RBFOX1: variants seen among roughly 807,000 people sequenced by gnomAD.
RBFOX1 encodes the protein RNA binding fox-1 homolog 1.
In RBFOX1, 8 loss-of-function variants were observed where a neutral mutation model predicts 57.7. The ratio of observed to expected loss-of-function variants is 0.14; its 90% CI spans 0.08 to 0.25. The LOEUF (loss-of-function observed/expected upper bound fraction) is 0.25. Among genes scored for constraint, RBFOX1 ranks in the 10% least tolerant of loss-of-function variants. The pLI is 1.00. For missense variants in RBFOX1, 611 were observed against 548.5 expected, an observed-to-expected ratio of 1.11 and a Z score of -1.14; for synonymous variants, 326 against 222.4, an observed-to-expected ratio of 1.47 and a Z score of -4.15.
intron 3 of RBFOX1, among the ~76,000 whole-genome samples, chr16:5,698,514 A>G (rs1013881591): frequency 1.3e-5 from 2 of 152,154 alleles, no homozygotes; most frequent in Admixed American, 1.3e-4. Context: ...TTTTTTGTAC[A>G]GAGCTGCTTT....
At chr16:7,139,315 C>T (rs1232191652) in intron 4 of RBFOX1, among the ~76,000 whole-genome samples, 4 of 152,044 alleles carry the variant, frequency 2.6e-5, no homozygotes, top group Non-Finnish European at 5.9e-5. Flanking sequence ...ATCACTTCAA[C>T]AACCAGCTTT....
chr16:6,367,759 A>AAT (rs1178520876), intron 2 of RBFOX1, among the ~76,000 whole-genome samples: 2 of 151,766 alleles, frequency 1.3e-5, no homozygotes, highest in Admixed American at 6.6e-5. Context: ...AAAAAAAAAA[A>AAT]AAAATAGGGA....
intron 4 of RBFOX1, among the ~76,000 whole-genome samples, chr16:7,404,498 C>T (rs2098301603): frequency 6.6e-6 from 1 of 152,182 alleles, no homozygotes; most frequent in Admixed American, 6.5e-5. Flanking sequence ...GCGTGAAGCA[C>T]TTGGCATAAA....
intron 2 of RBFOX1, among the ~76,000 whole-genome samples, chr16:6,538,017 T>A (rs2096759248): frequency 6.6e-6 from 1 of 151,802 alleles, no homozygotes; most frequent in South Asian, 2.1e-4. Context: ...ACTTTCAAAC[T>A]TTTTTATTCA....
chr16:7,083,412 C>T (rs1290384098), intron 4 of RBFOX1, among the ~76,000 whole-genome samples: 1 of 148,754 alleles, frequency 6.7e-6, no homozygotes, highest in East Asian at 1.9e-4. Flanking sequence ...GCAGGAAGAG[C>T]ATAACCAGGG....
At chr16:6,880,132 C>G in intron 3 of RBFOX1, among the ~76,000 whole-genome samples, 1 of 152,130 alleles carries the variant, frequency 6.6e-6, no homozygotes, top group Non-Finnish European at 1.5e-5. Context: ...TTGTCAGTGG[C>G]TGGTGTTAGA....
intron 2 of RBFOX1, among the ~76,000 whole-genome samples, chr16:6,388,255 C>T (rs114736612): frequency 3.3e-5 from 5 of 152,010 alleles, no homozygotes; most frequent in African/African-American, 7.2e-5. Flanking sequence ...TGTGAGCCAC[C>T]GTGCTTGGTC....
intron 3 of RBFOX1, among the ~76,000 whole-genome samples, chr16:5,784,915 G>T (rs2054448846): frequency 6.6e-6 from 1 of 152,158 alleles, no homozygotes; most frequent in South Asian, 2.1e-4. Context: ...TTGAGCAACA[G>T]ATTTCTCTTG....
intron 1 of RBFOX1, among the ~76,000 whole-genome samples, chr16:6,088,551 C>T (rs933538913): frequency 3.1e-4 from 28 of 90,874 alleles, no homozygotes; most frequent in African/African-American, 9.6e-4. Context: ...CTTCCTTCTG[C>T]ATTTATTAAA....
chr16:7,470,589 T>A (rs569199109), intron 4 of RBFOX1, among the ~76,000 whole-genome samples: 1 of 151,832 alleles, frequency 6.6e-6, no homozygotes, highest in South Asian at 2.1e-4. Context: ...GATGGATGGA[T>A]GGGCGGATGG....
At chr16:5,528,052 A>G (rs1473224397) in intron 2 of RBFOX1, among the ~76,000 whole-genome samples, 1 of 152,104 alleles carries the variant, frequency 6.6e-6, no homozygotes, top group Non-Finnish European at 1.5e-5. Context: ...CAACATTCAA[A>G]CACCTATTTA....
chr16:7,474,871 G>A (rs2062314037), intron 4 of RBFOX1, among the ~76,000 whole-genome samples: 1 of 152,164 alleles, frequency 6.6e-6, no homozygotes, highest in Non-Finnish European at 1.5e-5. Context: ...ATGCCATTTA[G>A]TTACCTGAAT....
At chr16:6,589,099 A>G (rs1029077755) in intron 2 of RBFOX1, among the ~76,000 whole-genome samples, 24 of 33,794 alleles carry the variant, frequency 7.1e-4, no homozygotes, top group African/African-American at 8.1e-4. Context: ...TTCCATCTAT[A>G]TTACAAAAAA....
chr16:6,024,025 G>A (rs1265479061), intron 1 of RBFOX1, among the ~76,000 whole-genome samples: 1 of 152,204 alleles, frequency 6.6e-6, no homozygotes, highest in African/African-American at 2.4e-5. Flanking sequence ...TATGAAAAAT[G>A]ACGCGTGGAG....
At position 6,021,116 on chromosome 16, in the gene RBFOX1, A is replaced by G. The variant is rs1281255195; in HGVS notation, c.-127+1124A>G. ...AGGCGGATCTTTTCAGTTGAACTTG[A>G]AAAGAAGTGGGGGAGTGTGGTGAAA... is the stretch of plus-strand genomic sequence containing the variant. On this transcript the variant is annotated intron_variant, in intron 1 of 15. Transcript: ENST00000550418. Among the ~76,000 whole-genome samples, 8 of 152,206 alleles carry G rather than the reference A, an allele frequency of 5.3e-5. No homozygotes were observed. The East Asian group carries it at 1.3e-3, about 26-fold the overall frequency.
intron 1 of RBFOX1, among the ~76,000 whole-genome samples, chr16:6,108,280 C>T (rs914882652): frequency 1.3e-5 from 2 of 151,976 alleles, no homozygotes; most frequent in Non-Finnish European, 2.9e-5. Context: ...TAGAAGAGGG[C>T]CCCGGAATCA....
chr16:6,468,051 G>C (rs2095090803), intron 2 of RBFOX1, among the ~76,000 whole-genome samples: 1 of 152,156 alleles, frequency 6.6e-6, no homozygotes, highest in Non-Finnish European at 1.5e-5. Context: ...TGTCTCCTGG[G>C]AGATGGATGG....
chr16:7,524,147 T>G (rs1362249191), intron 5 of RBFOX1, among the ~76,000 whole-genome samples: 1 of 152,226 alleles, frequency 6.6e-6, no homozygotes, highest in East Asian at 1.9e-4. Flanking sequence ...GGCCATTATT[T>G]CTTTGAGAAA....
chr16:5,955,054 G>T (rs61565506), intron 4 of RBFOX1, among the ~76,000 whole-genome samples: 6,359 of 123,514 alleles, frequency 0.051, 266 homozygotes, highest in East Asian at 0.087. Context: ...GCCGAAGCGG[G>T]TGGATCACTT....
Sources: allele counts gnomAD v4.1 joint callset (sites outside exome capture counted in the v4.1 genomes callset), GRCh38; gene constraint gnomAD v4.1.1; transcripts MANE v1.5; gene names NCBI Gene and HGNC (gene_info 2026-07-23, HGNC 2026-07-21).